The following GLRA1 variants were observed in gnomAD, a reference collection of about 807,000 sequenced individuals.
GLRA1 encodes glycine receptor subunit alpha-1.
GLRA1 carries 37 observed loss-of-function variants against 48.3 expected under a neutral mutation model. That is an observed-to-expected ratio of 0.77 (90% CI 0.59 to 1.01). The LOEUF is 1.01. Ranked by LOEUF, GLRA1 falls within the 50% of genes least tolerant of loss-of-function variation. The probability of loss-of-function intolerance (pLI) is 0.00; values close to 1 mark genes in which losing one functional copy is unlikely to be tolerated. For synonymous variants in GLRA1, 196 were observed against 210.7 expected, an observed-to-expected ratio of 0.93 and a Z score of 0.60; for missense variants, 427 against 571.0, an observed-to-expected ratio of 0.75 and a Z score of 2.57.
chr5:151,836,221 A>G (rs889712834), intron 7 of GLRA1, among the ~76,000 whole-genome samples: 1 of 152,242 alleles, frequency 6.6e-6, no homozygotes, highest in African/African-American at 2.4e-5. Context: ...TGCAAAGAGA[A>G]TAGAATACCT....
rs942457608 is a variant in GLRA1, at chr5:151,888,984, A to G, written c.185-2196T>C. Among the ~76,000 whole-genome samples the G allele has an allele frequency of 1.1e-4, 16 of 152,300 alleles. No homozygotes were observed. In the East Asian group the frequency reaches 2.9e-3, roughly 28 times the overall value. ...TTTCTCCTTTATTTAGACTCAGACC[A>G]GGTTTTTTTTGTTGTTGCCTCATGC... On this transcript the variant is annotated intron_variant, in intron 2 of 8. Transcript: ENST00000274576.
At chr5:151,904,477 A>G (rs1248967711) in intron 1 of GLRA1, among the ~76,000 whole-genome samples, 38 of 152,210 alleles carry the variant, frequency 2.5e-4, no homozygotes, top group Admixed American at 2.2e-3. Context: ...TACTACACGT[A>G]ACCACCAGCT....
chr5:151,886,444 T>G (rs1753909162), intron 3 of GLRA1, among the ~76,000 whole-genome samples: 1 of 152,254 alleles, frequency 6.6e-6, no homozygotes, highest in South Asian at 2.1e-4. Context: ...TCTTTTACTC[T>G]AAAAATTTGA....
chr5:151,848,517 C>A (rs1262832113), intron 7 of GLRA1, among the ~76,000 whole-genome samples: 1 of 152,142 alleles, frequency 6.6e-6, no homozygotes, highest in African/African-American at 2.4e-5. Flanking sequence ...CAAGCGCGGG[C>A]CACCATGCCT....
At position 151,850,355 on chromosome 5, in the gene GLRA1, T is replaced by G. The variant is rs548782321; in HGVS notation, c.912+1035A>C. The stretch of plus-strand genomic sequence containing the variant: ...GGGTGGGCTGTTTCATTTTGCATCA[T>G]GTATGTGAAGACTTTGGAGTGATAG... On this transcript the variant is annotated intron_variant, in intron 7 of 8. Coordinates refer to ENST00000274576, the MANE Select transcript of GLRA1 (RefSeq NM_000171.4). The G allele has an allele frequency of 3.4e-4, 489 of 1,428,066 alleles. 2 individuals carry two copies. Among genetic ancestry groups the G allele is most frequent in the Non-Finnish European group, 4.3e-4 (434 of 1,012,698 alleles). 88.5% of individuals were successfully genotyped at this position (1,428,066 alleles called of 1,614,324 possible).
chr5:151,847,105 T>C (rs1402753539), intron 7 of GLRA1, among the ~76,000 whole-genome samples: 3 of 152,234 alleles, frequency 2.0e-5, no homozygotes, highest in Non-Finnish European at 2.9e-5. Flanking sequence ...GTATGTTCTT[T>C]CAACTTTTCT....
In GLRA1 at chr5:151,829,033, G is replaced by A. The variant is rs1064795797; in HGVS notation, c.947C>T (p.Ala316Val). 3 of 1,613,956 alleles carry A rather than the reference G, an allele frequency of 1.9e-6. No homozygotes were observed. The highest frequency in any genetic ancestry group is 2.5e-6 in the Non-Finnish European group (3 of 1,179,940). The change falls in exon 8 of 9, where the codon GCA becomes GTA. Residue 316 changes from alanine to valine, a missense_variant. By Grantham distance (64) the Ala-to-Val change is moderately conservative. Around this residue, in one of 4 missense-constraint regions of GLRA1, gnomAD observed 271 missense variants for 434.9 expected, o/e 0.62. Coordinates refer to ENST00000274576, the MANE Select transcript of GLRA1 (RefSeq NM_000171.4). ...TGAGAACACAAAGAGCAGGCAAACTGCCATCCAAATGTCAATGGCTTTCAC... is the reference window on the plus strand; with the variant it reads ...TGAGAACACAAAGAGCAGGCAAACTACCATCCAAATGTCAATGGCTTTCAC... The part of the protein sequence containing the change: ...SYVKAIDIWM[A>V]VCLLFVFSAL...
chr5:151,859,484 TAC>T (rs1753137033), intron 4 of GLRA1, among the ~76,000 whole-genome samples: 20 of 152,258 alleles, frequency 1.3e-4, no homozygotes, highest in Admixed American at 1.3e-3. Context: ...CATGCTTGAA[TAC>T]TCTTTCCTAT....
intron 3 of GLRA1, among the ~76,000 whole-genome samples, chr5:151,871,859 C>T (rs1476412208): frequency 2.0e-5 from 3 of 149,804 alleles, no homozygotes; most frequent in South Asian, 2.1e-4. Flanking sequence ...CCACCGCGCC[C>T]GGCCGTGAGA....
intron 7 of GLRA1, chr5:151,848,847 A>G (rs1004633011): frequency 1.8e-6 from 1 of 559,020 alleles, no homozygotes; most frequent in South Asian, 1.8e-5. Flanking sequence ...GCCTACCTTT[A>G]CCCGCCCGCC....
At chr5:151,901,791 A>G (rs1754374110) in intron 1 of GLRA1, among the ~76,000 whole-genome samples, 1 of 152,240 alleles carries the variant, frequency 6.6e-6, no homozygotes, top group African/African-American at 2.4e-5. Flanking sequence ...GATACTTTAC[A>G]TATTTCACTG....
rs147156518 is a variant in GLRA1, at chr5:151,828,940, C to T, written c.1040G>A (p.Arg347Lys). The T allele has an allele frequency of 6.2e-7, 1 of 1,614,036 alleles. No homozygotes were observed. Residue 347 changes from arginine to lysine, a missense_variant, in exon 8 of 9, where the codon AGG (arginine) becomes AAG (lysine). Coordinates refer to ENST00000274576, the MANE Select transcript of GLRA1 (RefSeq NM_000171.4). ...GCCTACCTTGTGATGTCTCCGCTTC[C>T]TCCTGAATCGGAGCAGCTCCTTATG... ...RQHKELLRFRRKRRHHKEDEA... is the reference protein window; with the variant it reads ...RQHKELLRFRKKRRHHKEDEA...
At chr5:151,910,762 A>G (rs1754588086) in intron 1 of GLRA1, among the ~76,000 whole-genome samples, 1 of 152,190 alleles carries the variant, frequency 6.6e-6, no homozygotes, top group South Asian at 2.1e-4. Flanking sequence ...AAGTGTAGGC[A>G]CCTTGAGGGT....
Position 151,822,738 on chromosome 5 carries a change from T to C in GLRA1, c.1285A>G (p.Ile429Val). The stretch of plus-strand genomic sequence containing the variant: ...ATGATCCAGTAGAACATGTTGAAAA[T>C]GAGGAAGGCCATGGGGAAGCCAATG... Reference protein sequence around the residue: ...SRIGFPMAFLIFNMFYWIIYK... With the variant: ...SRIGFPMAFLVFNMFYWIIYK... Residue 429 changes from isoleucine (I) to valine (V), a missense_variant, in exon 9 of 9, where the codon ATT (isoleucine) becomes GTT (valine). Physicochemically the swap from Ile to Val is conservative, Grantham distance 29. Around this residue, in one of 4 missense-constraint regions of GLRA1, gnomAD observed 121 missense variants for 96.5 expected, o/e 1.25. Coordinates refer to ENST00000274576, the MANE Select transcript of GLRA1 (RefSeq NM_000171.4). The C allele has an allele frequency of 3.1e-6, 5 of 1,613,888 alleles. No homozygotes were observed. Among genetic ancestry groups the C allele is most frequent in the Non-Finnish European group, 4.2e-6 (5 of 1,179,856 alleles).
Position 151,829,039 on chromosome 5 carries a change from C to T in GLRA1, c.941G>A (p.Trp314Ter). ...CACAAAGAGCAGGCAAACTGCCATCCAAATGTCAATGGCTTTCACATAGGA... is the reference window on the plus strand; with the variant it reads ...CACAAAGAGCAGGCAAACTGCCATCTAAATGTCAATGGCTTTCACATAGGA... ...KVSYVKAIDIWMAVCLLFVFS... is the reference protein window; with the variant it reads ...KVSYVKAIDI Residue 314 changes from tryptophan to a stop codon, truncating the protein, a stop_gained, in exon 8 of 9, where the codon TGG (tryptophan) becomes TAG (stop). Transcript: ENST00000274576. LOFTEE classifies it high-confidence loss of function. The T allele has an allele frequency of 6.2e-7, 1 of 1,614,038 alleles. No homozygotes were observed. Among genetic ancestry groups the T allele is most frequent in the Non-Finnish European group, 8.5e-7 (1 of 1,179,956 alleles).
At chr5:151,916,011 G>C (rs974453230) in intron 1 of GLRA1, among the ~76,000 whole-genome samples, 2 of 152,030 alleles carry the variant, frequency 1.3e-5, no homozygotes, top group Non-Finnish European at 2.9e-5. Flanking sequence ...AGAGGGGGAG[G>C]GTTATTAGAC....
chr5:151,882,210 TG>T (rs745344821), intron 3 of GLRA1, among the ~76,000 whole-genome samples: 100 of 152,360 alleles, frequency 6.6e-4, no homozygotes, highest in Middle Eastern at 6.8e-3. Flanking sequence ...TGTTTACATT[TG>T]GCTTAGGAGA....
intron 8 of GLRA1, 68 bp from the exon 9 acceptor site, chr5:151,823,031 A>G: frequency 7.1e-7 from 1 of 1,402,622 alleles, no homozygotes; most frequent in Non-Finnish European, 9.6e-7. Context: ...CCTGCAAGGC[A>G]CTCCCTTGGG....
chr5:151,857,486 G>GCAGC (rs1753078025), intron 4 of GLRA1, among the ~76,000 whole-genome samples: 1 of 152,152 alleles, frequency 6.6e-6, no homozygotes, highest in African/African-American at 2.4e-5. Flanking sequence ...TTTAAGTTGA[G>GCAGC]CAGCACCCAT....
Sources: gnomAD v4.1 joint callset for allele counts (sites outside exome capture counted in the v4.1 genomes callset) on GRCh38, gnomAD v4.1.1 for gene constraint, gnomAD v4.1.1 regional missense constraint, MANE v1.5 for transcripts, NCBI Gene and HGNC (gene_info 2026-07-23, HGNC 2026-07-21) for gene names.